ZNF385B: variants seen among roughly 807,000 people sequenced by gnomAD.
ZNF385B encodes the protein zinc finger protein 533.
A neutral mutation model predicts 39.2 loss-of-function variants in ZNF385B; 23 were observed. The observed-to-expected ratio is 0.59, with a 90% CI of 0.42 to 0.83. ZNF385B has a LOEUF of 0.83. Among genes scored for constraint, ZNF385B ranks in the 40% least tolerant of loss-of-function variants. ZNF385B has a pLI of 0.00. For synonymous variants in ZNF385B, 205 were observed against 222.6 expected (o/e 0.92, Z 0.70); for missense variants, 552 against 598.9 (o/e 0.92, Z 0.82).
intron 3 of ZNF385B, among the ~76,000 whole-genome samples, chr2:179,621,237 A>G (rs1465536507): frequency 6.6e-6 from 1 of 152,194 alleles, no homozygotes; most frequent in East Asian, 1.9e-4. Context: ...GGCATACTGG[A>G]TAATTTTAAA....
At chr2:179,584,231 C>T (rs139977018) in intron 3 of ZNF385B, among the ~76,000 whole-genome samples, 181 of 152,154 alleles carry the variant, frequency 1.2e-3, no homozygotes, top group African/African-American at 4.1e-3. Flanking sequence ...CTACTAGATG[C>T]CACTAGCATC....
In ZNF385B at chr2:179,853,633, C is replaced by A. The variant is rs1440503144; in HGVS notation, c.-155+7468G>T. ...GTCAGAGTTGCACAAGTTATCTTGG[C>A]AAAGAAATCAGTGTACCTGCAAGTA... is the stretch of plus-strand genomic sequence containing the variant. On this transcript the variant is annotated intron_variant, in intron 1 of 9. Transcript: ENST00000410066. 2.0e-5 allele frequency among the ~76,000 whole-genome samples: 3 copies of A among 152,076 alleles called. 1 individual carries two copies. Among genetic ancestry groups the A allele is most frequent in the African/African-American group, 7.2e-5 (3 of 41,410 alleles).
At chr2:179,793,572 A>G (rs1705474419) in intron 1 of ZNF385B, among the ~76,000 whole-genome samples, 1 of 152,186 alleles carries the variant, frequency 6.6e-6, no homozygotes, top group Non-Finnish European at 1.5e-5. Flanking sequence ...CTTGCCCGCC[A>G]TCATGTAAGA....
chr2:179,640,033 A>C (rs1346864969), intron 3 of ZNF385B, among the ~76,000 whole-genome samples: 2 of 152,198 alleles, frequency 1.3e-5, no homozygotes, highest in Admixed American at 1.3e-4. Flanking sequence ...CAAATCCAAA[A>C]GGAAGGACAT....
rs189654414 is a variant in ZNF385B, at chr2:179,461,287, C to T, written c.716-14517G>A. ...CTTCATAAGACCATTTTGCCTCTTG[C>T]GTGGAGAATAGACTGTGAAAGGATA... is the stretch of plus-strand genomic sequence containing the variant. On this transcript the variant is annotated intron_variant, in intron 6 of 9. Coordinates refer to ENST00000410066, the MANE Select transcript of ZNF385B (RefSeq NM_152520.6). Among the ~76,000 whole-genome samples the T allele has an allele frequency of 2.1e-3, 319 of 152,062 alleles. 3 individuals are homozygous for T. Among genetic ancestry groups the T allele is most frequent in the African/African-American group, 7.4e-3 (308 of 41,472 alleles).
At chr2:179,592,386 T>G (rs746564044) in intron 3 of ZNF385B, among the ~76,000 whole-genome samples, 4 of 152,204 alleles carry the variant, frequency 2.6e-5, no homozygotes, top group Non-Finnish European at 5.9e-5. Flanking sequence ...GCTGGATGGC[T>G]AAAATACACA....
chr2:179,751,254 T>C (rs972463815), intron 3 of ZNF385B, among the ~76,000 whole-genome samples: 16 of 141,644 alleles, frequency 1.1e-4, no homozygotes, highest in Non-Finnish European at 1.7e-4. Context: ...CACACATGCA[T>C]GTCCACACAT....
intron 3 of ZNF385B, among the ~76,000 whole-genome samples, chr2:179,546,532 A>C: frequency 6.6e-6 from 1 of 152,178 alleles, no homozygotes; most frequent in South Asian, 2.1e-4. Context: ...AGTTTCATCC[A>C]TGTTGTTACA....
At chr2:179,822,555 C>CT (rs1707461829) in intron 1 of ZNF385B, among the ~76,000 whole-genome samples, 1 of 152,166 alleles carries the variant, frequency 6.6e-6, no homozygotes, top group African/African-American at 2.4e-5. Flanking sequence ...CACTCCTAAG[C>CT]TGTGGAGGAC....
At chr2:179,779,181 G>T (rs936799445) in intron 1 of ZNF385B, among the ~76,000 whole-genome samples, 2 of 152,172 alleles carry the variant, frequency 1.3e-5, no homozygotes, top group Admixed American at 1.3e-4. Flanking sequence ...GGTTGCCTTG[G>T]TCAGGGCAGT....
At chr2:179,577,844 T>C (rs1257462512) in intron 3 of ZNF385B, among the ~76,000 whole-genome samples, 1 of 152,072 alleles carries the variant, frequency 6.6e-6, no homozygotes, top group Non-Finnish European at 1.5e-5. Flanking sequence ...TCAATGTGTT[T>C]GCTTTTCTGT....
chr2:179,642,229 T>C (rs1379126739), intron 3 of ZNF385B, among the ~76,000 whole-genome samples: 2 of 152,148 alleles, frequency 1.3e-5, no homozygotes, highest in East Asian at 1.9e-4. Context: ...CCTTCAGATA[T>C]TTAAAATAAC....
chr2:179,838,873 C>A (rs1046189357), intron 1 of ZNF385B, among the ~76,000 whole-genome samples: 1 of 147,860 alleles, frequency 6.8e-6, no homozygotes, highest in African/African-American at 2.5e-5. Flanking sequence ...AAAATATGAA[C>A]CAATAATAAT....
intron 3 of ZNF385B, among the ~76,000 whole-genome samples, chr2:179,684,850 A>G (rs1293279517): frequency 6.6e-6 from 1 of 152,224 alleles, no homozygotes; most frequent in Non-Finnish European, 1.5e-5. Flanking sequence ...CACTGAATGC[A>G]AGTTTACTTT....
At chr2:179,808,084 G>T (rs888316078) in intron 1 of ZNF385B, among the ~76,000 whole-genome samples, 1 of 151,802 alleles carries the variant, frequency 6.6e-6, no homozygotes, top group Non-Finnish European at 1.5e-5. Context: ...CCAGGCTGGA[G>T]TGCAGTGGCG....
intron 5 of ZNF385B, among the ~76,000 whole-genome samples, chr2:179,493,777 A>ATATATG (rs2055787543): frequency 9.9e-6 from 1 of 100,516 alleles, no homozygotes; most frequent in Non-Finnish European, 2.3e-5. Flanking sequence ...ACATATATGT[A>ATATATG]TATACACATA....
intron 3 of ZNF385B, among the ~76,000 whole-genome samples, chr2:179,670,156 A>G (rs902509116): frequency 8.6e-5 from 13 of 151,722 alleles, no homozygotes; most frequent in Non-Finnish European, 1.5e-4. Flanking sequence ...GCCGGGCGTG[A>G]TGGCGGGCGC....
chr2:179,449,876 A>T (rs1384110662), intron 6 of ZNF385B, among the ~76,000 whole-genome samples: 1 of 151,886 alleles, frequency 6.6e-6, no homozygotes, highest in East Asian at 1.9e-4. Flanking sequence ...AGTAACCAAA[A>T]CAGCATGGTA....
chr2:179,704,355 A>G lies in ZNF385B; in HGVS notation c.298+65148T>C, dbSNP rs74555840. Reference sequence around the variant, plus strand: ...TGTAAAGACATATAGAAAAATGTTAATAGTAGTAACTCTAGGATGTAGGAT... The same window carrying G: ...TGTAAAGACATATAGAAAAATGTTAGTAGTAGTAACTCTAGGATGTAGGAT... On this transcript the variant is annotated intron_variant, in intron 3 of 9. Transcript: ENST00000410066. Among the ~76,000 whole-genome samples the G allele has an allele frequency of 4.5e-3, 678 of 152,344 alleles. 3 individuals carry two copies. The highest frequency in any genetic ancestry group is 0.019 in the South Asian group (90 of 4,830).
Sources: gnomAD v4.1 joint callset for allele counts (sites outside exome capture counted in the v4.1 genomes callset) on GRCh38, gnomAD v4.1.1 for gene constraint, MANE v1.5 for transcripts, NCBI Gene and HGNC (gene_info 2026-07-23, HGNC 2026-07-21) for gene names.